Variants in PPP1R12A observed in about 807,000 individuals in gnomAD.
PPP1R12A encodes the protein myosin binding subunit.
In PPP1R12A, 19 loss-of-function variants were observed where a neutral mutation model predicts 139.6. The ratio of observed to expected loss-of-function variants is 0.14; its 90% CI spans 0.09 to 0.20. The LOEUF (loss-of-function observed/expected upper bound fraction) is 0.20. Among genes scored for constraint, PPP1R12A ranks in the 10% least tolerant of loss-of-function variants. PPP1R12A has a pLI of 1.00. For synonymous variants in PPP1R12A, 427 were observed against 420.6 expected, an observed-to-expected ratio of 1.02 and a Z score of -0.19; for missense variants, 925 against 1,211.5, an observed-to-expected ratio of 0.76 and a Z score of 3.51.
rs962464007 is a variant in PPP1R12A, at chr12:79,841,617, A to G, written c.487+3685T>C. On this transcript the variant is annotated intron_variant, in intron 3 of 24. Coordinates refer to ENST00000450142, the MANE Select transcript of PPP1R12A (RefSeq NM_002480.3). ...AAACCAAATGCAAGAAATTTTCAGT[A>G]CAACTCCATGCCTTTTCTAGTTCAT... is the stretch of plus-strand genomic sequence containing the variant. Among the ~76,000 whole-genome samples, 6 of 152,360 alleles carry G rather than the reference A, an allele frequency of 3.9e-5. No homozygotes were observed. The East Asian group carries it at 9.6e-4, about 24-fold the overall frequency.
Position 79,904,952 on chromosome 12 carries a change from A to G in PPP1R12A, c.237+29743T>C, listed in dbSNP as rs184306236. On this transcript the variant is annotated intron_variant, in intron 1 of 24. Coordinates refer to ENST00000450142, the MANE Select transcript of PPP1R12A (RefSeq NM_002480.3). ...CAAAACCACACAAAGGTAAATTCAA[A>G]TATAAATACAAAAACATTTCTAAAA... is the stretch of plus-strand genomic sequence containing the variant. Among the ~76,000 whole-genome samples, 777 of 152,332 alleles carry G rather than the reference A, an allele frequency of 5.1e-3. 4 individuals carry two copies. The highest frequency in any genetic ancestry group is 0.018 in the African/African-American group (735 of 41,578).
At chr12:79,854,173 A>G (rs1309325997) in intron 2 of PPP1R12A, among the ~76,000 whole-genome samples, 1 of 152,118 alleles carries the variant, frequency 6.6e-6, no homozygotes, top group Non-Finnish European at 1.5e-5. Context: ...CAAGCAAGCA[A>G]TGTTATATAC....
chr12:79,904,808 T>C (rs1885955706), intron 1 of PPP1R12A, among the ~76,000 whole-genome samples: 2 of 152,160 alleles, frequency 1.3e-5, no homozygotes, highest in South Asian at 4.1e-4. Context: ...GGCCAAAAGG[T>C]GATCTATTCT....
intron 5 of PPP1R12A, among the ~76,000 whole-genome samples, chr12:79,823,127 AT>A (rs1469644690): frequency 6.6e-6 from 1 of 152,118 alleles, no homozygotes; most frequent in Non-Finnish European, 1.5e-5. Flanking sequence ...AAAGAGAAAA[AT>A]TTCAAAGAGC....
At chr12:79,799,368 T>C (rs1872832598) in intron 14 of PPP1R12A, among the ~76,000 whole-genome samples, 1 of 152,188 alleles carries the variant, frequency 6.6e-6, no homozygotes, top group Admixed American at 6.5e-5. Flanking sequence ...CAGGCTGGTC[T>C]CGAACTCCTG....
At chr12:79,883,981 G>A (rs1883879463) in intron 1 of PPP1R12A, among the ~76,000 whole-genome samples, 2 of 152,170 alleles carry the variant, frequency 1.3e-5, no homozygotes, top group South Asian at 4.1e-4. Context: ...GGAGAACTAA[G>A]AAGGAATGGT....
intron 9 of PPP1R12A, among the ~76,000 whole-genome samples, chr12:79,812,286 C>A (rs762406197): frequency 6.6e-6 from 1 of 151,984 alleles, no homozygotes; most frequent in Non-Finnish European, 1.5e-5. Context: ...ACTATACCTC[C>A]TCCTCCATTA....
In PPP1R12A at chr12:79,805,614, T is replaced by C. The variant is rs569640278; in HGVS notation, c.1978A>G (p.Thr660Ala). ...TTTAGTVSST[T>A]EVRERRRSYL... ...CACCTGCGTCTCTCCCTGACCTCTG[T>C]TGTGGAGGAGACAGTGCCAGCAGTA... Residue 660 changes from threonine (T) to alanine (A), a missense_variant, in exon 14 of 25, where the codon ACA becomes GCA. This residue lies in a region of PPP1R12A where 403 missense variants were observed against 463.7 expected (regional missense o/e 0.87). Transcript: ENST00000450142. The C allele has an allele frequency of 2.0e-5, 33 of 1,613,706 alleles. No homozygotes were observed. The highest frequency in any genetic ancestry group is 1.4e-5 in the Non-Finnish European group (16 of 1,179,752).
chr12:79,880,185 CATAAGGGCCATA>C (rs1883498685), intron 1 of PPP1R12A, among the ~76,000 whole-genome samples: 1 of 152,028 alleles, frequency 6.6e-6, no homozygotes, highest in Admixed American at 6.6e-5. Context: ...ACAATGATCA[CATAAGGGCCATA>C]ATAGCAGTGG....
At chr12:79,807,398 A>T in intron 11 of PPP1R12A, 68 bp from the exon 12 acceptor site, 2 of 905,080 alleles carry the variant, frequency 2.2e-6, no homozygotes, top group South Asian at 3.0e-5. Flanking sequence ...GCGGTACACT[A>T]GTAAATATTA....
intron 3 of PPP1R12A, among the ~76,000 whole-genome samples, chr12:79,833,859 A>AG (rs1877756456): frequency 6.6e-6 from 1 of 151,146 alleles, no homozygotes; most frequent in South Asian, 2.1e-4. Context: ...AAAAAAAAAA[A>AG]AAAAGCAAAG....
intron 1 of PPP1R12A, among the ~76,000 whole-genome samples, chr12:79,902,095 A>C (rs943506871): frequency 1.3e-5 from 2 of 152,208 alleles, no homozygotes; most frequent in African/African-American, 4.8e-5. Flanking sequence ...AGTCTTGTTA[A>C]AGATTTGAGA....
At chr12:79,803,005 CCTTTT>C (rs1364144101) in intron 14 of PPP1R12A, among the ~76,000 whole-genome samples, 1 of 152,136 alleles carries the variant, frequency 6.6e-6, no homozygotes, top group Admixed American at 6.5e-5. Context: ...AGCCTGGATT[CCTTTT>C]CAATAGTTTC....
intron 22 of PPP1R12A, chr12:79,782,667 C>A: frequency 2.4e-6 from 1 of 410,152 alleles, no homozygotes; most frequent in Non-Finnish European, 4.8e-6. Flanking sequence ...ACAGTGGCAT[C>A]TTAGATTTTA....
chr12:79,788,983 T>C (rs1467779558), intron 20 of PPP1R12A, among the ~76,000 whole-genome samples, 200 bp from the exon 21 acceptor site: 1 of 152,146 alleles, frequency 6.6e-6, no homozygotes, highest in Non-Finnish European at 1.5e-5. Flanking sequence ...GCTGCCCAGC[T>C]TGGAGTGCAG....
intron 3 of PPP1R12A, among the ~76,000 whole-genome samples, chr12:79,838,570 C>A (rs553650840): frequency 1.4e-4 from 22 of 152,334 alleles, no homozygotes; most frequent in Admixed American, 8.5e-4. Flanking sequence ...GGTCCAGGGC[C>A]CCCTTGCTGT....
At chr12:79,793,996 A>T in intron 18 of PPP1R12A, 68 bp from the exon 19 acceptor site, 1 of 1,220,156 alleles carries the variant, frequency 8.2e-7, no homozygotes, top group Non-Finnish European at 1.1e-6. Flanking sequence ...ATTTTTTAAA[A>T]TTATTTTTGG....
intron 1 of PPP1R12A, among the ~76,000 whole-genome samples, chr12:79,879,259 T>G (rs930614645): frequency 6.6e-6 from 1 of 151,756 alleles, no homozygotes; most frequent in Non-Finnish European, 1.5e-5. Context: ...ACATGCTACT[T>G]GAGAGGCTGA....
rs1869510961 is a variant in PPP1R12A, at chr12:79,774,226, A to C, written c.*1703T>G. 6.6e-6 allele frequency: 1 copy of C among 152,234 alleles called. No homozygotes were observed. The highest frequency in any genetic ancestry group is 2.4e-5 in the African/African-American group (1 of 41,434). The allele number at this position is 152,234 out of a possible 1,614,324, so 9.4% of individuals were successfully genotyped here. ...AACCAAAAATAAAACTCCCACAACT[A>C]TCCTTGTACCTTTAAAATCAAGAAT... On this transcript the variant is annotated 3_prime_UTR_variant, in exon 25 of 25. Transcript: ENST00000450142.
Sources: allele counts gnomAD v4.1 joint callset (sites outside exome capture counted in the v4.1 genomes callset), GRCh38; gene constraint gnomAD v4.1.1; regional missense constraint gnomAD v4.1.1; transcripts MANE v1.5; gene names NCBI Gene and HGNC (gene_info 2026-07-23, HGNC 2026-07-21).